ZC2HC1A: variants seen among roughly 807,000 people sequenced by gnomAD.
ZC2HC1A encodes the protein zinc finger C2HC-type containing 1A.
Under a neutral mutation model 40.7 loss-of-function variants are expected in ZC2HC1A, and 28 were observed. The observed-to-expected ratio is 0.69, with a 90% CI of 0.51 to 0.94. The LOEUF (loss-of-function observed/expected upper bound fraction) is 0.94. Ranked by LOEUF, ZC2HC1A falls within the 40% of genes least tolerant of loss-of-function variation. ZC2HC1A has a pLI of 0.00. For missense variants in ZC2HC1A, 389 were observed against 386.3 expected (o/e 1.01, Z -0.06); for synonymous variants, 129 against 129.2 (o/e 1.00, Z 0.01).
chr8:78,681,897 CTTTCTTTTTTTTTTT>C (rs1237741995), intron 3 of ZC2HC1A, among the ~76,000 whole-genome samples: 3 of 120,384 alleles, frequency 2.5e-5, no homozygotes, highest in Non-Finnish European at 3.4e-5. Context: ...TTTCCTTTTT[CTTTCTTTTTTTTTTT>C]TTTCTTTTTT....
intron 8 of ZC2HC1A, among the ~76,000 whole-genome samples, chr8:78,717,093 G>C (rs1811129781): frequency 6.6e-6 from 1 of 152,064 alleles, no homozygotes; most frequent in Non-Finnish European, 1.5e-5. Flanking sequence ...AACACAGAAA[G>C]CATGGCTGCA....
intron 2 of ZC2HC1A, among the ~76,000 whole-genome samples, chr8:78,676,764 T>A (rs1184990520): frequency 2.0e-5 from 3 of 152,018 alleles, no homozygotes; most frequent in African/African-American, 7.2e-5. Context: ...ATTCAATGAT[T>A]TTTTTCTTAT....
chr8:78,687,327 T>C (rs1262122786), intron 4 of ZC2HC1A, among the ~76,000 whole-genome samples: 3 of 151,622 alleles, frequency 2.0e-5, no homozygotes, highest in Non-Finnish European at 4.4e-5. Context: ...CTTTAGCAAA[T>C]CTAGATATGA....
At chr8:78,675,891 G>C in intron 2 of ZC2HC1A, 28 bp downstream of exon 2, 1 of 1,564,618 alleles carries the variant, frequency 6.4e-7, no homozygotes, top group Non-Finnish European at 8.8e-7. Context: ...GTACCTTTAT[G>C]GTTTTACAGA....
rs746296890 is a variant in ZC2HC1A at position 78,678,686 on chromosome 8, A to T, written c.210+7A>T. On this transcript the variant is annotated splice_region_variant and intron_variant, in intron 3 of 8. Coordinates refer to ENST00000263849, the MANE Select transcript of ZC2HC1A (RefSeq NM_016010.3). The stretch of plus-strand genomic sequence containing the variant: ...AAAACCTCTCAAACCGAGGGTAACT[A>T]TATAACCTTTTGAACAGTATGAACT... The T allele has an allele frequency of 1.9e-6, 3 of 1,593,310 alleles. No individual in the cohort carries two copies. Among genetic ancestry groups the T allele is most frequent in the South Asian group, 1.1e-5 (1 of 87,998 alleles).
chr8:78,714,392 A>T (rs1157587232), intron 7 of ZC2HC1A, among the ~76,000 whole-genome samples: 1 of 152,206 alleles, frequency 6.6e-6, no homozygotes. Flanking sequence ...TATAGTGGCA[A>T]CAACAGTAGT....
chr8:78,700,961 C>T (rs1289764852), intron 7 of ZC2HC1A, among the ~76,000 whole-genome samples: 1 of 152,074 alleles, frequency 6.6e-6, no homozygotes, highest in South Asian at 2.1e-4. Context: ...CTTAGAATTA[C>T]CTTGGCTAGT....
At chr8:78,707,426 T>C (rs776229171) in intron 7 of ZC2HC1A, among the ~76,000 whole-genome samples, 23 of 152,226 alleles carry the variant, frequency 1.5e-4, no homozygotes, top group Non-Finnish European at 2.6e-4. Flanking sequence ...TATCTCTTTG[T>C]CATGCTGTGA....
At chr8:78,670,866 A>T (rs570415171) in intron 1 of ZC2HC1A, among the ~76,000 whole-genome samples, 1 of 152,240 alleles carries the variant, frequency 6.6e-6, no homozygotes, top group South Asian at 2.1e-4. Context: ...GTTAAGACAA[A>T]AACTCTTCTA....
At chr8:78,668,700 T>G (rs1809367700) in intron 1 of ZC2HC1A, among the ~76,000 whole-genome samples, 1 of 152,200 alleles carries the variant, frequency 6.6e-6, no homozygotes, top group Non-Finnish European at 1.5e-5. Flanking sequence ...TCTGAGCACT[T>G]CTACATTCTG....
chr8:78,717,306 C>T (rs1350297709), intron 8 of ZC2HC1A, 22 bp from the exon 9 acceptor site: 2 of 1,596,350 alleles, frequency 1.3e-6, no homozygotes, highest in Non-Finnish European at 1.7e-6. Flanking sequence ...TTTATCTTTT[C>T]ATTGTTTCTT....
intron 3 of ZC2HC1A, among the ~76,000 whole-genome samples, chr8:78,682,104 T>C (rs1284555850): frequency 6.6e-6 from 1 of 152,102 alleles, no homozygotes; most frequent in Non-Finnish European, 1.5e-5. Context: ...ATTTTAAAAA[T>C]ATAGACATAG....
chr8:78,715,338 G>C lies in ZC2HC1A; in HGVS notation c.812+10G>C. ...AGAGCTACATAGCCAGGTATGTTTAGCTCTGCTCTCCCAATAACTAAAATA... is the reference window on the plus strand; with the variant it reads ...AGAGCTACATAGCCAGGTATGTTTACCTCTGCTCTCCCAATAACTAAAATA... On this transcript the variant is annotated intron_variant, in intron 8 of 8. Coordinates refer to ENST00000263849, the MANE Select transcript of ZC2HC1A (RefSeq NM_016010.3). 1 of 1,598,868 alleles carries C rather than the reference G, an allele frequency of 6.3e-7. No homozygotes were observed. Among genetic ancestry groups the C allele is most frequent in the Non-Finnish European group, 8.5e-7 (1 of 1,172,532 alleles).
chr8:78,696,268 T>C (rs905899879), intron 5 of ZC2HC1A, among the ~76,000 whole-genome samples: 2 of 152,156 alleles, frequency 1.3e-5, no homozygotes, highest in African/African-American at 4.8e-5. Flanking sequence ...TCTCCTGACC[T>C]TGTGATCCAC....
intron 5 of ZC2HC1A, among the ~76,000 whole-genome samples, chr8:78,696,277 A>G (rs1175524892): frequency 6.6e-6 from 1 of 152,068 alleles, no homozygotes; most frequent in Non-Finnish European, 1.5e-5. Context: ...CTTGTGATCC[A>G]CCTGCCTCGG....
intron 7 of ZC2HC1A, among the ~76,000 whole-genome samples, chr8:78,712,503 C>T (rs777815108): frequency 5.3e-5 from 8 of 151,518 alleles, no homozygotes; most frequent in South Asian, 2.1e-4. Flanking sequence ...TTAGATAAGC[C>T]GATGGTGAAC....
intron 7 of ZC2HC1A, among the ~76,000 whole-genome samples, chr8:78,704,536 C>CT (rs1810710183): frequency 1.3e-5 from 2 of 151,934 alleles, no homozygotes; most frequent in Admixed American, 1.3e-4. Flanking sequence ...AACATTTCTT[C>CT]TTTCATTTCA....
At chr8:78,711,892 T>TAG in intron 7 of ZC2HC1A, 2 of 625,004 alleles carry the variant, frequency 3.2e-6, no homozygotes, top group Non-Finnish European at 5.0e-6. Flanking sequence ...ACTTGGGGAG[T>TAG]AGATATCTGA....
chr8:78,701,838 C>G (rs960062997), intron 7 of ZC2HC1A, among the ~76,000 whole-genome samples: 2 of 152,132 alleles, frequency 1.3e-5, no homozygotes, highest in Non-Finnish European at 2.9e-5. Context: ...AGGGATGAAG[C>G]CTACTTGATC....
Sources: allele counts gnomAD v4.1 joint callset (sites outside exome capture counted in the v4.1 genomes callset), GRCh38; gene constraint gnomAD v4.1.1; transcripts MANE v1.5; gene names NCBI Gene and HGNC (gene_info 2026-07-23, HGNC 2026-07-21).